GRB10: variants seen among roughly 807,000 people sequenced by gnomAD.
GRB10 encodes growth factor receptor-bound protein 10.
In GRB10, 20 loss-of-function variants were observed where a neutral mutation model predicts 80.9. The observed-to-expected ratio is 0.25, with a 90% CI of 0.17 to 0.36. GRB10 has a LOEUF of 0.36. GRB10 is among the 10% of genes least tolerant of loss of function. The pLI is 1.00. For missense variants in GRB10, 548 were observed against 747.7 expected (o/e 0.73, Z 3.12); for synonymous variants, 291 against 291.5 (o/e 1.00, Z 0.02).
At chr7:50,781,130 C>T (rs2078225744) in intron 1 of GRB10, 1 of 152,268 alleles carries the variant, frequency 6.6e-6, no homozygotes, top group Admixed American at 6.5e-5. Flanking sequence ...ATTCTCAGTC[C>T]TACAAGATAG....
At chr7:50,606,486 C>G (rs1473417973) in intron 13 of GRB10, 72 bp from the exon 14 acceptor site, 2 of 1,043,336 alleles carry the variant, frequency 1.9e-6, no homozygotes, top group East Asian at 4.7e-5. Flanking sequence ...AACGCCACAG[C>G]AGGAAAGGGC....
chr7:50,646,627 T>A (rs1474080980), intron 7 of GRB10, among the ~76,000 whole-genome samples: 1 of 152,204 alleles, frequency 6.6e-6, no homozygotes, highest in East Asian at 1.9e-4. Flanking sequence ...TGAATCCTGT[T>A]TGTAGTGCTA....
chr7:50,754,451 T>C (rs1024394137), intron 3 of GRB10, among the ~76,000 whole-genome samples: 1 of 152,164 alleles, frequency 6.6e-6, no homozygotes, highest in Non-Finnish European at 1.5e-5. Flanking sequence ...TCACGGTTCA[T>C]GCATGACCAG....
intron 10 of GRB10, chr7:50,617,810 CTCT>C (rs2153581923): frequency 1.8e-6 from 1 of 546,638 alleles, no homozygotes; most frequent in Admixed American, 3.1e-5. Context: ...CATCACTGGA[CTCT>C]TCTAAGTCAG....
At chr7:50,627,519 A>T (rs775482508) in intron 7 of GRB10, among the ~76,000 whole-genome samples, 2 of 152,138 alleles carry the variant, frequency 1.3e-5, no homozygotes, top group Non-Finnish European at 2.9e-5. Flanking sequence ...TGGAGTGGAG[A>T]TGAATTAATA....
chr7:50,748,641 G>A (rs1049578414), intron 3 of GRB10, among the ~76,000 whole-genome samples: 1 of 152,152 alleles, frequency 6.6e-6, no homozygotes, highest in East Asian at 1.9e-4. Context: ...ACAATACCCC[G>A]AGTGTCACTG....
intron 7 of GRB10, among the ~76,000 whole-genome samples, chr7:50,651,941 C>T (rs2058046682): frequency 6.6e-6 from 1 of 152,220 alleles, no homozygotes; most frequent in Admixed American, 6.5e-5. Context: ...AGGGCTGGAC[C>T]CTGCTGACGA....
chr7:50,609,667 C>A (rs1050102631), intron 13 of GRB10, among the ~76,000 whole-genome samples: 1 of 152,172 alleles, frequency 6.6e-6, no homozygotes, highest in African/African-American at 2.4e-5. Context: ...GGCAAGACCT[C>A]CCTCTTGGGG....
At chr7:50,672,422 G>T (rs1294124090) in intron 6 of GRB10, among the ~76,000 whole-genome samples, 1 of 152,192 alleles carries the variant, frequency 6.6e-6, no homozygotes, top group Non-Finnish European at 1.5e-5. Flanking sequence ...TCAGCAAATG[G>T]CCTCACTTCA....
At chr7:50,648,610 GT>G (rs1283349793) in intron 7 of GRB10, among the ~76,000 whole-genome samples, 3 of 152,068 alleles carry the variant, frequency 2.0e-5, no homozygotes, top group Non-Finnish European at 4.4e-5. Context: ...CAGAGCATAG[GT>G]CCCCCTCCCA....
At position 50,616,352 on chromosome 7, in the gene GRB10, T is replaced by G; in HGVS notation, c.847-5A>C. 1 of 1,613,538 alleles carries G rather than the reference T, an allele frequency of 6.2e-7. No homozygotes were observed. The highest frequency in any genetic ancestry group is 8.5e-7 in the Non-Finnish European group (1 of 1,179,438). ...ACTACTGGAGTTCAGAAAATTCTGT[T>G]GAAGAACAAATTTTTAAAATCACAT... is the stretch of plus-strand genomic sequence containing the variant. On this transcript the variant is annotated splice_polypyrimidine_tract_variant and splice_region_variant and intron_variant, in intron 10 of 18. Coordinates refer to ENST00000401949, the MANE Select transcript of GRB10 (RefSeq NM_001350814.2).
intron 13 of GRB10, chr7:50,606,778 A>G (rs571698400): frequency 1.6e-4 from 53 of 322,020 alleles, no homozygotes; most frequent in African/African-American, 1.0e-3. Context: ...AGAAAATCAT[A>G]AGAGACAATA....
At chr7:50,736,571 T>C (rs573273283) in intron 3 of GRB10, among the ~76,000 whole-genome samples, 37 of 152,282 alleles carry the variant, frequency 2.4e-4, no homozygotes, top group Admixed American at 6.5e-5. Flanking sequence ...GACAGGTGGA[T>C]TGCTTGAGCC....
intron 1 of GRB10, chr7:50,792,668 C>G (rs1207667782): frequency 7.7e-6 from 3 of 389,882 alleles, no homozygotes; most frequent in African/African-American, 2.1e-5. Context: ...GTCCTCCGTA[C>G]GAGGCTGGGC....
chr7:50,752,067 G>A (rs943213697), intron 3 of GRB10, among the ~76,000 whole-genome samples: 3 of 152,182 alleles, frequency 2.0e-5, no homozygotes, highest in African/African-American at 7.2e-5. Context: ...GCTTCCCAGC[G>A]CAATCCAGTG....
At chr7:50,640,105 G>A (rs576382164) in intron 7 of GRB10, among the ~76,000 whole-genome samples, 2 of 152,316 alleles carry the variant, frequency 1.3e-5, no homozygotes, top group South Asian at 4.1e-4. Flanking sequence ...CAACCTGAGG[G>A]CTCCTCCCAA....
chr7:50,651,250 G>GTTTC, intron 7 of GRB10, among the ~76,000 whole-genome samples: 1 of 152,334 alleles, frequency 6.6e-6, no homozygotes. Flanking sequence ...GTGTCTCACA[G>GTTTC]TTTCGCAGAA....
At chr7:50,759,292 C>T (rs895989126) in intron 2 of GRB10, among the ~76,000 whole-genome samples, 4 of 152,018 alleles carry the variant, frequency 2.6e-5, no homozygotes, top group African/African-American at 9.7e-5. Flanking sequence ...CCAGCAGCCA[C>T]AGCTCCTTTC....
chr7:50,731,821 C>T (rs2069786019), intron 4 of GRB10, among the ~76,000 whole-genome samples: 1 of 152,184 alleles, frequency 6.6e-6, no homozygotes, highest in Non-Finnish European at 1.5e-5. Flanking sequence ...TCTGTTAAGA[C>T]ACCAAGCCCT....
Sources: allele counts gnomAD v4.1 joint callset (sites outside exome capture counted in the v4.1 genomes callset), GRCh38; gene constraint gnomAD v4.1.1; transcripts MANE v1.5; gene names NCBI Gene and HGNC (gene_info 2026-07-23, HGNC 2026-07-21).